Variants in SAMD5 observed in about 807,000 individuals in gnomAD.
SAMD5 encodes sterile alpha motif domain-containing protein 5.
Under a neutral mutation model 11.3 loss-of-function variants are expected in SAMD5, and 13 were observed. The observed-to-expected ratio is 1.15, with a 90% CI of 0.75 to 1.83. The LOEUF (loss-of-function observed/expected upper bound fraction) is 1.83, where lower values mean the gene tolerates loss of function less well. SAMD5 is among the 40% of genes most tolerant of loss of function. SAMD5 has a pLI of 0.00. For synonymous variants in SAMD5, 129 were observed against 111.3 expected (o/e 1.16, Z -1.00); for missense variants, 255 against 239.1 (o/e 1.07, Z -0.44).
the SAMD5 span, among the ~76,000 whole-genome samples, chr6:147,823,482 T>C: frequency 6.6e-6 from 1 of 152,148 alleles, no homozygotes; most frequent in Admixed American, 6.5e-5. Flanking sequence ...CTCTTTAGGG[T>C]TTAAATGCCA....
At chr6:147,538,593 G>T (rs1237353765) in intron 1 of SAMD5, among the ~76,000 whole-genome samples, 1 of 152,090 alleles carries the variant, frequency 6.6e-6, no homozygotes, top group East Asian at 1.9e-4. Flanking sequence ...TGAAGATAAG[G>T]TTTGACTGTT....
chr6:147,899,929 T>G, the SAMD5 span, among the ~76,000 whole-genome samples: 1 of 152,128 alleles, frequency 6.6e-6, no homozygotes, highest in African/African-American at 2.4e-5. Context: ...GGAGAGACTG[T>G]CCAGCTCCAG....
the SAMD5 span, among the ~76,000 whole-genome samples, chr6:147,884,324 C>T: frequency 6.6e-5 from 10 of 152,172 alleles, no homozygotes; most frequent in South Asian, 6.2e-4. Context: ...TCCACCAAGA[C>T]GCCTCCTTGG....
At chr6:147,590,394 A>G (rs1279176313) in intron 1 of SAMD5, among the ~76,000 whole-genome samples, 1 of 152,136 alleles carries the variant, frequency 6.6e-6, no homozygotes, top group Non-Finnish European at 1.5e-5. Context: ...AGCTCATTGT[A>G]TGCCCTCAGT....
At chr6:147,798,713 G>T in the SAMD5 span, among the ~76,000 whole-genome samples, 1 of 152,010 alleles carries the variant, frequency 6.6e-6, no homozygotes, top group Non-Finnish European at 1.5e-5. Flanking sequence ...AAGTCTATTT[G>T]TAGGTCACTC....
At chr6:147,849,787 A>G in the SAMD5 span, among the ~76,000 whole-genome samples, 2 of 152,242 alleles carry the variant, frequency 1.3e-5, no homozygotes, top group Non-Finnish European at 1.5e-5. Flanking sequence ...ACTGGGGCAG[A>G]CAGAACCTGG....
At chr6:147,551,801 T>TTATATATATGTTATATATATATATATA (rs1426228161) in intron 1 of SAMD5, among the ~76,000 whole-genome samples, 6 of 128,386 alleles carry the variant, frequency 4.7e-5, no homozygotes, top group Non-Finnish European at 6.5e-5. Context: ...AATGTGATTC[T>TTATATATATGTTATATATATATATATA]TATATATATG....
rs1384440828 is a variant in SAMD5, at chr6:147,566,713, AG to A, written c.*2258del. ...AGTAAGAGTCACAGTCAGCAAAAAA[AG>A]CCAATGGATTTTAAAAAGACATCTT... On this transcript the variant is annotated 3_prime_UTR_variant, in exon 2 of 2. Coordinates refer to ENST00000367474, the MANE Select transcript of SAMD5 (RefSeq NM_001030060.3). The A allele has an allele frequency of 7.1e-6, 7 of 985,254 alleles. No homozygotes were observed. In the African/African-American group the frequency reaches 1.2e-4, roughly 17 times the overall value. The allele number at this position is 985,254 out of a possible 1,614,324, so 61.0% of individuals were successfully genotyped here.
intron 1 of SAMD5, among the ~76,000 whole-genome samples, chr6:147,650,119 C>T (rs1790463252): frequency 6.6e-6 from 1 of 152,166 alleles, no homozygotes; most frequent in African/African-American, 2.4e-5. Flanking sequence ...AGACCCTTTA[C>T]CATACACGAA....
In SAMD5 at chr6:147,549,264, G is replaced by C. The variant is rs139973978; in HGVS notation, c.460-15130G>C. Among the ~76,000 whole-genome samples, 52 of 152,302 alleles carry C rather than the reference G, an allele frequency of 3.4e-4. No individual in the cohort carries two copies. The East Asian group carries it at 5.8e-3, about 17-fold the overall frequency. ...TATTGCAGCCACGGTTGAGCAAACA[G>C]CTCTGCATGAGTTTCAACCAGCATC... On this transcript the variant is annotated intron_variant, in intron 1 of 1. Coordinates refer to ENST00000367474, the MANE Select transcript of SAMD5 (RefSeq NM_001030060.3).
chr6:147,662,662 TGA>T (rs894990121), intron 1 of SAMD5, among the ~76,000 whole-genome samples: 1 of 152,178 alleles, frequency 6.6e-6, no homozygotes, highest in African/African-American at 2.4e-5. Flanking sequence ...TTATCATGGG[TGA>T]GAGTGTCCAG....
the SAMD5 span, among the ~76,000 whole-genome samples, chr6:147,854,058 T>C: frequency 2.0e-5 from 3 of 152,192 alleles, no homozygotes; most frequent in Non-Finnish European, 4.4e-5. Flanking sequence ...AAAATCTCTC[T>C]GGGTTTTTAA....
the SAMD5 span, among the ~76,000 whole-genome samples, chr6:147,850,737 G>T: frequency 1.3e-5 from 2 of 152,040 alleles, no homozygotes; most frequent in East Asian, 1.9e-4. Context: ...ATCCCACCCT[G>T]TACTGCCCAA....
the SAMD5 span, among the ~76,000 whole-genome samples, chr6:147,821,370 T>C: frequency 6.6e-6 from 1 of 152,222 alleles, no homozygotes; most frequent in African/African-American, 2.4e-5. Context: ...CCCTTAACGG[T>C]GTTTTAGCTC....
the SAMD5 span, among the ~76,000 whole-genome samples, chr6:147,925,358 C>T: frequency 1.3e-5 from 2 of 152,172 alleles, no homozygotes; most frequent in Admixed American, 6.6e-5. Context: ...GCCTCCAGAA[C>T]TGTGAGAAAT....
the SAMD5 span, among the ~76,000 whole-genome samples, chr6:147,791,572 T>G: frequency 6.6e-6 from 1 of 152,178 alleles, no homozygotes; most frequent in African/African-American, 2.4e-5. Flanking sequence ...CCTGAGTATT[T>G]ATGCATGCAA....
the SAMD5 span, among the ~76,000 whole-genome samples, chr6:147,802,863 A>C: frequency 2.0e-4 from 31 of 152,368 alleles, no homozygotes; most frequent in African/African-American, 7.0e-4. Flanking sequence ...TATGGACTTC[A>C]CATGGGTGAT....
chr6:147,691,473 A>T (rs1404519655), intron 1 of SAMD5, among the ~76,000 whole-genome samples: 1 of 152,194 alleles, frequency 6.6e-6, no homozygotes, highest in African/African-American at 2.4e-5. Context: ...TGACTTTCAG[A>T]TATACCAAGA....
chr6:147,582,364 G>T (rs1480262748), intron 1 of SAMD5, among the ~76,000 whole-genome samples: 1 of 151,948 alleles, frequency 6.6e-6, no homozygotes, highest in Non-Finnish European at 1.5e-5. Flanking sequence ...GATGGGTGTG[G>T]CTGCAGATAA....
Sources: allele counts gnomAD v4.1 joint callset (sites outside exome capture counted in the v4.1 genomes callset), GRCh38; gene constraint gnomAD v4.1.1; transcripts MANE v1.5; gene names NCBI Gene and HGNC (gene_info 2026-07-23, HGNC 2026-07-21).